The following CARMIL1 variants were observed in gnomAD, a reference collection of about 807,000 sequenced individuals.
CARMIL1 encodes the protein capping protein regulator and myosin 1 linker 1.
CARMIL1 carries 90 observed loss-of-function variants against 177.1 expected under a neutral mutation model. That is an observed-to-expected ratio of 0.51 (90% confidence interval 0.43 to 0.61). CARMIL1 has a LOEUF of 0.61. Ranked by LOEUF, CARMIL1 falls within the 20% of genes least tolerant of loss-of-function variation. The pLI is 0.00. For synonymous variants in CARMIL1, 577 were observed against 606.2 expected, an observed-to-expected ratio of 0.95 and a Z score of 0.71; for missense variants, 1,380 against 1,667.0, an observed-to-expected ratio of 0.83 and a Z score of 3.00.
intron 31 of CARMIL1, among the ~76,000 whole-genome samples, chr6:25,590,979 T>C (rs888604538): frequency 6.6e-6 from 1 of 152,252 alleles, no homozygotes; most frequent in Non-Finnish European, 1.5e-5. Flanking sequence ...GTTCCTTATA[T>C]CTTGATTGCT....
chr6:25,581,783 T>G (rs1399560528), intron 31 of CARMIL1, among the ~76,000 whole-genome samples: 1 of 152,100 alleles, frequency 6.6e-6, no homozygotes, highest in Non-Finnish European at 1.5e-5. Flanking sequence ...TATTTTACAG[T>G]GTCTGGGCAA....
chr6:25,282,813 T>C (rs768879102), intron 1 of CARMIL1, among the ~76,000 whole-genome samples: 19 of 152,206 alleles, frequency 1.2e-4, no homozygotes, highest in Non-Finnish European at 2.6e-4. Context: ...TCCGAATCCA[T>C]GATCTTATGC....
intron 8 of CARMIL1, among the ~76,000 whole-genome samples, chr6:25,454,791 G>A (rs1359126721): frequency 6.6e-6 from 1 of 152,160 alleles, no homozygotes. Flanking sequence ...TTATTTCGAT[G>A]TAGTAGAAGC....
rs774474645 is a variant in CARMIL1 at position 25,488,565 on chromosome 6, C to G, written c.1045C>G (p.Leu349Val). Residue 349 changes from leucine (L) to valine (V), a missense_variant, in exon 13 of 37, where the codon CTT becomes GTT. By Grantham distance (32) the Leu-to-Val change is conservative. Transcript: ENST00000329474. ...LVHLDLSGNV[L>V]RGDDLSHMYN... ...CCACCTCGACCTCTCAGGGAACGTC[C>G]TTCGTGGAGATGACCTCTCAGTAAG... The G allele has an allele frequency of 6.4e-5, 103 of 1,613,678 alleles. No individual in the cohort carries two copies. The highest frequency in any genetic ancestry group is 7.6e-5 in the Non-Finnish European group (90 of 1,179,704).
chr6:25,400,074 A>G (rs574072857), intron 2 of CARMIL1, among the ~76,000 whole-genome samples: 20 of 152,318 alleles, frequency 1.3e-4, no homozygotes, highest in Admixed American at 1.3e-3. Flanking sequence ...GCGCTGTACC[A>G]TTCACCTTAC....
At chr6:25,394,000 G>A (rs1793131657) in intron 2 of CARMIL1, among the ~76,000 whole-genome samples, 2 of 152,018 alleles carry the variant, frequency 1.3e-5, no homozygotes, top group African/African-American at 2.4e-5. Context: ...TGATTCTTTT[G>A]CCATTTTCTT....
chr6:25,606,586 C>T (rs1247541982), intron 35 of CARMIL1, among the ~76,000 whole-genome samples: 1 of 152,130 alleles, frequency 6.6e-6, no homozygotes, highest in Non-Finnish European at 1.5e-5. Context: ...CTGTAGTGCT[C>T]GGCTTGGCTT....
At chr6:25,350,589 A>G (rs1165783092) in intron 2 of CARMIL1, 1 of 152,202 alleles carries the variant, frequency 6.6e-6, no homozygotes, top group East Asian at 1.9e-4. Flanking sequence ...ATTAGGTTGA[A>G]AATCAGAGAA....
At chr6:25,573,914 C>A (rs1233570619) in intron 29 of CARMIL1, among the ~76,000 whole-genome samples, 1 of 152,136 alleles carries the variant, frequency 6.6e-6, no homozygotes, top group South Asian at 2.1e-4. Flanking sequence ...TTCTTGGGCT[C>A]TGGAAAACAA....
In CARMIL1 at chr6:25,465,929, C is replaced by A. The variant is rs1428820545; in HGVS notation, c.671C>A (p.Ser224Tyr). 1.9e-6 allele frequency: 3 copies of A among 1,610,844 alleles called. No homozygotes were observed. The highest frequency in any genetic ancestry group is 2.2e-5 in the East Asian group (1 of 44,806). ...TATAATCAGTGGTTCACAAAACTGT[C>A]CTCTAAGGATCTAAAACTGGTAAGT... ...LEYNQWFTKL[S>Y]SKDLKLSTDV... The change falls in exon 9 of 37, where the codon TCC (serine) becomes TAC (tyrosine). Residue 224 changes from serine (S) to tyrosine (Y), a missense_variant. Transcript: ENST00000329474.
intron 2 of CARMIL1, among the ~76,000 whole-genome samples, chr6:25,322,500 G>A (rs1784768422): frequency 6.6e-6 from 1 of 152,166 alleles, no homozygotes; most frequent in South Asian, 2.1e-4. Context: ...ACACACATAT[G>A]CACATACATA....
chr6:25,396,770 C>T (rs1329255959), intron 2 of CARMIL1, among the ~76,000 whole-genome samples: 4 of 152,066 alleles, frequency 2.6e-5, no homozygotes, highest in Admixed American at 6.6e-5. Flanking sequence ...TCTAAAACTG[C>T]CACGGAATAA....
At chr6:25,397,148 A>ACAG (rs889890701) in intron 2 of CARMIL1, among the ~76,000 whole-genome samples, 5 of 152,172 alleles carry the variant, frequency 3.3e-5, no homozygotes, top group Admixed American at 3.3e-4. Context: ...AGGCATATTT[A>ACAG]CAGCTAAGTG....
At chr6:25,436,178 T>A (rs185494749) in intron 5 of CARMIL1, among the ~76,000 whole-genome samples, 1 of 152,324 alleles carries the variant, frequency 6.6e-6, no homozygotes, top group African/African-American at 2.4e-5. Context: ...TGGGCTTGGA[T>A]ACCTGAGTTT....
intron 35 of CARMIL1, among the ~76,000 whole-genome samples, chr6:25,606,622 A>C (rs1815998209): frequency 6.6e-6 from 1 of 152,248 alleles, no homozygotes. Flanking sequence ...CAGGGCGTTC[A>C]GACATTTTGA....
In CARMIL1 at chr6:25,295,745, C is replaced by T. The variant is rs888034477; in HGVS notation, c.138+10836C>T. Among the ~76,000 whole-genome samples, 27 of 152,176 alleles carry T rather than the reference C, an allele frequency of 1.8e-4. 1 individual carries two copies. The highest frequency in any genetic ancestry group is 9.2e-4 in the Admixed American group (14 of 15,282). On this transcript the variant is annotated intron_variant, in intron 2 of 36. Transcript: ENST00000329474. Reference sequence around the variant, plus strand: ...TGTGTGGAAGTGTTGTCTTCTACTACAGTATGTTTGCTGGAATGAGAAAGT... The same window carrying T: ...TGTGTGGAAGTGTTGTCTTCTACTATAGTATGTTTGCTGGAATGAGAAAGT...
In CARMIL1 at chr6:25,279,526, T is replaced by A. The variant is rs1449031461; in HGVS notation, c.-270T>A. On this transcript the variant is annotated 5_prime_UTR_variant, in exon 1 of 37. Transcript: ENST00000329474. The stretch of plus-strand genomic sequence containing the variant: ...CCCCGCGCCCCGCGCCCGCTTGTAA[T>A]CCGGTCCGCTCCTTATTCAGCCGCC... The A allele has an allele frequency of 1.3e-5, 7 of 540,594 alleles. No individual in the cohort carries two copies. Among genetic ancestry groups the A allele is most frequent in the Non-Finnish European group, 6.7e-6 (2 of 300,294 alleles). 33.5% of individuals were successfully genotyped at this position (540,594 alleles called of 1,614,324 possible). A position where few individuals can be genotyped will look rare whatever the true frequency, so the allele number is the denominator to read the frequency against.
intron 2 of CARMIL1, among the ~76,000 whole-genome samples, chr6:25,399,422 A>G (rs768902635): frequency 2.0e-5 from 3 of 152,154 alleles, no homozygotes; most frequent in Non-Finnish European, 2.9e-5. Flanking sequence ...CGAATGTTCT[A>G]AGTGTATCGT....
At chr6:25,331,432 G>A (rs546607507) in intron 2 of CARMIL1, among the ~76,000 whole-genome samples, 1 of 152,196 alleles carries the variant, frequency 6.6e-6, no homozygotes, top group South Asian at 2.1e-4. Flanking sequence ...GGCTGTCATC[G>A]CTGTTCTCCA....
Sources: gnomAD v4.1 joint callset for allele counts (sites outside exome capture counted in the v4.1 genomes callset) on GRCh38, gnomAD v4.1.1 for gene constraint, MANE v1.5 for transcripts, NCBI Gene and HGNC (gene_info 2026-07-23, HGNC 2026-07-21) for gene names.